The following DCAF10 variants were observed in gnomAD, a reference collection of about 807,000 sequenced individuals.
DCAF10 encodes DDB1- and CUL4-associated factor 10.
A neutral mutation model predicts 51.9 loss-of-function variants in DCAF10; 19 were observed. The observed-to-expected ratio is 0.37, with a 90% CI of 0.26 to 0.54. DCAF10 has a LOEUF of 0.54. Among genes scored for constraint, DCAF10 ranks in the 20% least tolerant of loss-of-function variants. The pLI is 0.87. For missense variants in DCAF10, 510 were observed against 730.6 expected, an observed-to-expected ratio of 0.70 and a Z score of 3.48; for synonymous variants, 291 against 297.1, an observed-to-expected ratio of 0.98 and a Z score of 0.21.
At chr9:37,808,622 TTA>T (rs1429128749) in intron 1 of DCAF10, among the ~76,000 whole-genome samples, 1 of 47,496 alleles carries the variant, frequency 2.1e-5, no homozygotes, top group Non-Finnish European at 3.7e-5. Context: ...TATAATATAT[TTA>T]TATAATATAA....
Position 37,836,474 on chromosome 9 carries a change from T to C in DCAF10, c.654-5615T>C. ...ATGAGTATGTTTAAGTGGAGAGTGC[T>C]TCCAGCTGAGATGATTTGAGTCTGC... On this transcript the variant is annotated intron_variant, in intron 2 of 6. Coordinates refer to ENST00000377724, the MANE Select transcript of DCAF10 (RefSeq NM_024345.5). The C allele has an allele frequency of 5.2e-6, 6 of 1,161,932 alleles. No individual in the cohort carries two copies. In the South Asian group the frequency reaches 7.4e-5, roughly 14 times the overall value. The allele number at this position is 1,161,932 out of a possible 1,614,324, so 72.0% of individuals were successfully genotyped here.
At chr9:37,812,774 C>G (rs989347716) in intron 1 of DCAF10, among the ~76,000 whole-genome samples, 2 of 152,078 alleles carry the variant, frequency 1.3e-5, no homozygotes, top group African/African-American at 4.8e-5. Flanking sequence ...GCTGGGACCA[C>G]AGGCACACGC....
At chr9:37,839,598 A>G (rs772968926) in intron 2 of DCAF10, among the ~76,000 whole-genome samples, 52 of 152,286 alleles carry the variant, frequency 3.4e-4, no homozygotes, top group Non-Finnish European at 6.3e-4. Context: ...GAATAAATCC[A>G]TAATGTATTC....
At chr9:37,841,293 A>G (rs548684705) in intron 2 of DCAF10, among the ~76,000 whole-genome samples, 12 of 152,346 alleles carry the variant, frequency 7.9e-5, no homozygotes, top group Middle Eastern at 6.8e-3. Context: ...ATGTAAATTT[A>G]TCTTAGAAGA....
intron 2 of DCAF10, among the ~76,000 whole-genome samples, chr9:37,826,160 G>A (rs1011238504): frequency 3.3e-5 from 5 of 151,746 alleles, no homozygotes; most frequent in African/African-American, 1.2e-4. Flanking sequence ...AGCTGACAAG[G>A]GATTAATGCC....
intron 2 of DCAF10, among the ~76,000 whole-genome samples, chr9:37,840,894 A>G (rs541391096): frequency 2.6e-5 from 4 of 152,152 alleles, no homozygotes; most frequent in Admixed American, 2.6e-4. Flanking sequence ...CTTTCAATAT[A>G]CAAATACTTA....
At chr9:37,836,262 G>T (rs10119688) in intron 2 of DCAF10, 258,613 of 1,568,974 alleles carry the variant, frequency 0.16, 22,913 homozygotes, top group African/African-American at 0.3. Flanking sequence ...AGATGTCTAC[G>T]TGGAATATAT....
intron 1 of DCAF10, among the ~76,000 whole-genome samples, chr9:37,810,379 A>G (rs1256771123): frequency 2.6e-5 from 4 of 152,224 alleles, no homozygotes; most frequent in African/African-American, 9.6e-5. Context: ...CCAGCATTTG[A>G]GCTCGCTTCT....
chr9:37,846,143 G>A (rs1393297629), intron 3 of DCAF10, among the ~76,000 whole-genome samples: 1 of 152,028 alleles, frequency 6.6e-6, no homozygotes, highest in Non-Finnish European at 1.5e-5. Context: ...CTACATTATA[G>A]TAAATATCAT....
At chr9:37,828,530 A>G (rs1208072565) in intron 2 of DCAF10, among the ~76,000 whole-genome samples, 1 of 152,208 alleles carries the variant, frequency 6.6e-6, no homozygotes, top group Admixed American at 6.5e-5. Context: ...ATTCTCCCCA[A>G]ATTATTCCAT....
chr9:37,850,826 TTATATATATATATATATATATATATA>T lies in DCAF10; in HGVS notation c.852-3923_852-3898del, dbSNP rs71494679. 2.2e-3 allele frequency among the ~76,000 whole-genome samples: 101 copies of T among 45,882 alleles called. 3 individuals are homozygous for T. In the Middle Eastern group the frequency reaches 0.038, roughly 17 times the overall value. The allele number at this position is 45,882 out of a possible 152,430, so 30.1% of individuals were successfully genotyped here. A position where few individuals can be genotyped will look rare whatever the true frequency, so the allele number is the denominator to read the frequency against. ...AATGCTAAGTATGTGAGGATATATTTTATATATATATATATATATATATATATATATATATATATATATATATATAT... is the reference window on the plus strand; with the variant it reads ...AATGCTAAGTATGTGAGGATATATTTTATATATATATATATATATATATAT... On this transcript the variant is annotated intron_variant, in intron 3 of 6. Transcript: ENST00000377724.
chr9:37,860,197 C>A lies in DCAF10; in HGVS notation c.1311+4C>A. 1 of 1,613,980 alleles carries A rather than the reference C, an allele frequency of 6.2e-7. No homozygotes were observed. On this transcript the variant is annotated splice_donor_region_variant and intron_variant, in intron 6 of 6. Transcript: ENST00000377724. ...AAGCAACAGTGATGATGAGGAGGTACAGGCAGCAGCACTCCACCTTCAACA... is the reference window on the plus strand; with the variant it reads ...AAGCAACAGTGATGATGAGGAGGTAAAGGCAGCAGCACTCCACCTTCAACA...
chr9:37,842,431 T>A, intron 3 of DCAF10, 145 bp downstream of exon 3: 2 of 787,812 alleles, frequency 2.5e-6, no homozygotes, highest in Non-Finnish European at 3.8e-6. Flanking sequence ...ATTTTGTTAA[T>A]TGTACCTAGT....
intron 4 of DCAF10, among the ~76,000 whole-genome samples, chr9:37,855,456 G>A (rs770736198): frequency 6.6e-6 from 1 of 152,028 alleles, no homozygotes; most frequent in Non-Finnish European, 1.5e-5. Flanking sequence ...CTCTCTAAAC[G>A]CTCTTTTGCT....
intron 1 of DCAF10, among the ~76,000 whole-genome samples, chr9:37,804,414 C>G (rs1379934650): frequency 6.6e-6 from 1 of 152,008 alleles, no homozygotes; most frequent in Non-Finnish European, 1.5e-5. Context: ...CCAACAAACC[C>G]AAGCAAGAAT....
intron 3 of DCAF10, among the ~76,000 whole-genome samples, chr9:37,852,627 C>T (rs1398085790): frequency 6.6e-6 from 1 of 151,898 alleles, no homozygotes; most frequent in African/African-American, 2.4e-5. Context: ...ATTTTCAGAA[C>T]AGGCTGGGCA....
intron 1 of DCAF10, among the ~76,000 whole-genome samples, chr9:37,818,382 T>A (rs1401204538): frequency 2.0e-5 from 3 of 152,198 alleles, no homozygotes; most frequent in Non-Finnish European, 4.4e-5. Context: ...ATTTATTCTA[T>A]CTTATGTACG....
chr9:37,814,299 G>T (rs1343027167), intron 1 of DCAF10, among the ~76,000 whole-genome samples: 1 of 136,686 alleles, frequency 7.3e-6, no homozygotes, highest in African/African-American at 2.7e-5. Flanking sequence ...CCACCACGCC[G>T]GCTTTTTTTT....
At chr9:37,846,996 G>A (rs572238574) in intron 3 of DCAF10, among the ~76,000 whole-genome samples, 2 of 152,036 alleles carry the variant, frequency 1.3e-5, no homozygotes, top group Non-Finnish European at 2.9e-5. Context: ...GCTCATGCCT[G>A]TAATCCTAGC....
Sources: allele counts gnomAD v4.1 joint callset (sites outside exome capture counted in the v4.1 genomes callset), GRCh38; gene constraint gnomAD v4.1.1; transcripts MANE v1.5; gene names NCBI Gene and HGNC (gene_info 2026-07-23, HGNC 2026-07-21).